CA1: variants seen among roughly 807,000 people sequenced by gnomAD.
CA1 encodes carbonate dehydratase I.
In CA1, 27 loss-of-function variants were observed where a neutral mutation model predicts 28.8. The ratio of observed to expected loss-of-function variants is 0.94; its 90% confidence interval spans 0.69 to 1.29. CA1 has a LOEUF of 1.29. Ranked by LOEUF, CA1 falls within the 50% of genes most tolerant of loss-of-function variation. The pLI, the probability that CA1 is intolerant of heterozygous loss-of-function variation, is 0.00. For synonymous variants in CA1, 121 were observed against 108.8 expected, an observed-to-expected ratio of 1.11 and a Z score of -0.70; for missense variants, 335 against 310.5, an observed-to-expected ratio of 1.08 and a Z score of -0.59.
At chr8:85,341,465 T>C in intron 2 of CA1, 134 bp downstream of exon 2, 1 of 669,014 alleles carries the variant, frequency 1.5e-6, no homozygotes, top group Admixed American at 2.3e-5. Context: ...CATGCAAAGA[T>C]AGTATAATTA....
At chr8:85,337,317 A>G in intron 3 of CA1, 3 of 471,084 alleles carry the variant, frequency 6.4e-6, no homozygotes, top group East Asian at 8.5e-5. Context: ...AATTTTACCT[A>G]TTTCTAACTC....
At chr8:85,351,185 G>T (rs1456924990) in intron 1 of CA1, among the ~76,000 whole-genome samples, 1 of 152,178 alleles carries the variant, frequency 6.6e-6, no homozygotes, top group South Asian at 2.1e-4. Context: ...ATTAGTAAAG[G>T]CCAGTGACTT....
At chr8:85,340,165 C>A (rs1317365311) in intron 2 of CA1, among the ~76,000 whole-genome samples, 2 of 152,162 alleles carry the variant, frequency 1.3e-5, no homozygotes, top group Non-Finnish European at 2.9e-5. Flanking sequence ...GAAGTCAATG[C>A]ATGGTTTCAA....
chr8:85,363,565 C>T (rs1359472219), intron 1 of CA1, among the ~76,000 whole-genome samples: 1 of 152,194 alleles, frequency 6.6e-6, no homozygotes, highest in South Asian at 2.1e-4. Context: ...CCAGGCCCAC[C>T]AGCTTGGAGT....
At chr8:85,340,789 C>T (rs963579872) in intron 2 of CA1, among the ~76,000 whole-genome samples, 2 of 152,116 alleles carry the variant, frequency 1.3e-5, no homozygotes, top group Non-Finnish European at 2.9e-5. Flanking sequence ...CAACCTTCAG[C>T]AACCACTATC....
intron 1 of CA1, chr8:85,351,893 TA>T (rs1221725384): frequency 6.6e-6 from 1 of 152,204 alleles, no homozygotes; most frequent in African/African-American, 2.4e-5. Flanking sequence ...GTACTGTTAT[TA>T]AACCCAGTAG....
chr8:85,374,300 G>A (rs1810330097), intron 1 of CA1, among the ~76,000 whole-genome samples: 1 of 151,968 alleles, frequency 6.6e-6, no homozygotes, highest in African/African-American at 2.4e-5. Context: ...CATAATTCTG[G>A]ATTATCTCTT....
At chr8:85,340,168 G>A (rs1316693778) in intron 2 of CA1, among the ~76,000 whole-genome samples, 1 of 152,140 alleles carries the variant, frequency 6.6e-6, no homozygotes, top group African/African-American at 2.4e-5. Context: ...GTCAATGCAT[G>A]GTTTCAAAGT....
intron 4 of CA1, among the ~76,000 whole-genome samples, chr8:85,334,822 C>T (rs1040568277): frequency 2.6e-5 from 4 of 152,046 alleles, no homozygotes; most frequent in Admixed American, 6.6e-5. Flanking sequence ...AAAACTCCAT[C>T]TCTACTAAAA....
chr8:85,374,457 A>T (rs1810337511), intron 1 of CA1, among the ~76,000 whole-genome samples: 1 of 152,194 alleles, frequency 6.6e-6, no homozygotes, highest in African/African-American at 2.4e-5. Context: ...GTACTGCTAT[A>T]GGTTTGTGTC....
At chr8:85,345,550 A>G (rs1188847474) in intron 1 of CA1, among the ~76,000 whole-genome samples, 1 of 152,152 alleles carries the variant, frequency 6.6e-6, no homozygotes, top group Non-Finnish European at 1.5e-5. Context: ...TGCCTGGAAA[A>G]CAGTGGTGCT....
intron 1 of CA1, among the ~76,000 whole-genome samples, chr8:85,355,346 C>T (rs1157838934): frequency 6.6e-6 from 1 of 152,036 alleles, no homozygotes; most frequent in Admixed American, 6.6e-5. Flanking sequence ...AACTTTAAAG[C>T]TTAGTGAGAA....
At chr8:85,344,444 C>A (rs1377109727) in intron 1 of CA1, among the ~76,000 whole-genome samples, 1 of 147,792 alleles carries the variant, frequency 6.8e-6, no homozygotes, top group Non-Finnish European at 1.5e-5. Context: ...TTTTTTAGTA[C>A]CCTAAAATGT....
intron 4 of CA1, 136 bp from the exon 5 acceptor site, chr8:85,333,756 G>T: frequency 3.1e-6 from 2 of 646,926 alleles, no homozygotes; most frequent in Non-Finnish European, 5.6e-6. Flanking sequence ...TTATCCAGTG[G>T]ATTAGAAGAG....
At chr8:85,337,849 C>T in intron 3 of CA1, 1 of 299,676 alleles carries the variant, frequency 3.3e-6, no homozygotes, top group Non-Finnish European at 6.5e-6. Flanking sequence ...ATAATTCAGT[C>T]ACTGCTTTGT....
intron 1 of CA1, among the ~76,000 whole-genome samples, chr8:85,374,546 G>A (rs887414684): frequency 5.9e-5 from 9 of 152,126 alleles, no homozygotes; most frequent in Non-Finnish European, 1.2e-4. Flanking sequence ...TTAATCGTAC[G>A]TAAGACATTA....
chr8:85,374,664 C>T (rs1227775020), intron 1 of CA1, among the ~76,000 whole-genome samples: 1 of 152,110 alleles, frequency 6.6e-6, no homozygotes, highest in Non-Finnish European at 1.5e-5. Flanking sequence ...AATTATTTTC[C>T]CTCGATTAGC....
chr8:85,337,291 C>T (rs2130179356), intron 3 of CA1: 2 of 520,492 alleles, frequency 3.8e-6, no homozygotes, highest in South Asian at 4.0e-5. Context: ...ACACATTTCC[C>T]AGCCACACGA....
chr8:85,328,235 G>T lies in CA1; in HGVS notation c.*325C>A, dbSNP rs1206340077. ...ACTGAATGCACAACAGAAAGAAAGAGATAAAATTATTTTATTGGTTCAAAT... is the reference window on the plus strand; with the variant it reads ...ACTGAATGCACAACAGAAAGAAAGATATAAAATTATTTTATTGGTTCAAAT... On this transcript the variant is annotated 3_prime_UTR_variant, in exon 8 of 8. Coordinates refer to ENST00000523022, the MANE Select transcript of CA1 (RefSeq NM_001128831.4). The T allele has an allele frequency of 5.4e-6, 1 of 184,360 alleles. No homozygotes were observed. Among genetic ancestry groups the T allele is most frequent in the East Asian group, 1.4e-4 (1 of 6,984 alleles). The allele number at this position is 184,360 out of a possible 1,614,324, so 11.4% of individuals were successfully genotyped here. A position where few individuals can be genotyped will look rare whatever the true frequency, so the allele number is the denominator to read the frequency against.
Sources: gnomAD v4.1 joint callset for allele counts (sites outside exome capture counted in the v4.1 genomes callset) on GRCh38, gnomAD v4.1.1 for gene constraint, MANE v1.5 for transcripts, NCBI Gene and HGNC (gene_info 2026-07-23, HGNC 2026-07-21) for gene names.